SORCS3: variants seen among roughly 807,000 people sequenced by gnomAD.
SORCS3 encodes sortilin related VPS10 domain containing receptor 3, also known as VPS10 domain-containing receptor SorCS3.
In SORCS3, 57 loss-of-function variants were observed where a neutral mutation model predicts 146.3. The ratio of observed to expected loss-of-function variants is 0.39; its 90% confidence interval spans 0.31 to 0.49. The LOEUF is 0.49. Ranked by LOEUF, SORCS3 falls within the 20% of genes least tolerant of loss-of-function variation. The probability of loss-of-function intolerance (pLI) is 0.92; values close to 1 mark genes in which losing one functional copy is unlikely to be tolerated. For synonymous variants in SORCS3, 653 were observed against 618.5 expected (o/e 1.06, Z -0.83); for missense variants, 1,341 against 1,575.5 (o/e 0.85, Z 2.52).
intron 7 of SORCS3, among the ~76,000 whole-genome samples, chr10:105,116,029 A>G (rs1401074965): frequency 6.6e-6 from 1 of 152,222 alleles, no homozygotes; most frequent in Non-Finnish European, 1.5e-5. Context: ...AAGTGTTTTC[A>G]ACAGCCAGCC....
At chr10:105,201,952 C>T (rs1338583125) in intron 16 of SORCS3, among the ~76,000 whole-genome samples, 1 of 152,168 alleles carries the variant, frequency 6.6e-6, no homozygotes, top group Non-Finnish European at 1.5e-5. Flanking sequence ...CAGCTATCCA[C>T]TCAGTTGCCA....
At chr10:104,828,055 T>G (rs2017958089) in intron 1 of SORCS3, among the ~76,000 whole-genome samples, 1 of 152,214 alleles carries the variant, frequency 6.6e-6, no homozygotes, top group African/African-American at 2.4e-5. Flanking sequence ...ACTAAACCTT[T>G]TTCCCTATCA....
intron 2 of SORCS3, among the ~76,000 whole-genome samples, chr10:104,867,420 C>T (rs550580767): frequency 1.3e-5 from 2 of 152,114 alleles, no homozygotes; most frequent in Admixed American, 1.3e-4. Flanking sequence ...CGCCATTCTC[C>T]TGCCTCAGCC....
chr10:105,059,813 G>A (rs1374084178), intron 5 of SORCS3, among the ~76,000 whole-genome samples: 1 of 152,186 alleles, frequency 6.6e-6, no homozygotes, highest in Non-Finnish European at 1.5e-5. Flanking sequence ...AACCCACAGA[G>A]CAACCTGAGC....
intron 4 of SORCS3, among the ~76,000 whole-genome samples, chr10:105,016,364 TG>T (rs1262083237): frequency 2.0e-5 from 3 of 151,230 alleles, no homozygotes; most frequent in Non-Finnish European, 4.4e-5. Flanking sequence ...TTGGCCAGGA[TG>T]GTCTCAATCT....
chr10:104,846,236 G>T (rs965556997), intron 2 of SORCS3, among the ~76,000 whole-genome samples: 1 of 152,062 alleles, frequency 6.6e-6, no homozygotes, highest in Non-Finnish European at 1.5e-5. Context: ...GGACCTCATC[G>T]GGAGTCTTCT....
intron 2 of SORCS3, among the ~76,000 whole-genome samples, chr10:104,909,991 C>T (rs2018950380): frequency 6.6e-6 from 1 of 152,100 alleles, no homozygotes; most frequent in South Asian, 2.1e-4. Context: ...GGGGGTTCCT[C>T]CCACAATGTA....
At chr10:104,892,951 C>A (rs4917431) in intron 2 of SORCS3, among the ~76,000 whole-genome samples, 13,299 of 152,148 alleles carry the variant, frequency 0.087, 775 homozygotes, top group South Asian at 0.27. Context: ...CTCATACATG[C>A]CATTCTCACT....
At chr10:105,004,001 T>TC (rs1452386389) in intron 4 of SORCS3, among the ~76,000 whole-genome samples, 44 of 132,356 alleles carry the variant, frequency 3.3e-4, no homozygotes, top group Admixed American at 1.8e-3. Context: ...CTTCTCTCTC[T>TC]TTTTTTTTTT....
intron 1 of SORCS3, among the ~76,000 whole-genome samples, chr10:104,763,792 A>AT (rs1449491535): frequency 6.6e-6 from 1 of 152,180 alleles, no homozygotes; most frequent in African/African-American, 2.4e-5. Flanking sequence ...TAATTGAGTC[A>AT]TGGGGGTGGT....
At chr10:105,173,325 A>G (rs911249172) in intron 13 of SORCS3, among the ~76,000 whole-genome samples, 1 of 152,062 alleles carries the variant, frequency 6.6e-6, no homozygotes, top group African/African-American at 2.4e-5. Flanking sequence ...ACACAAAAAA[A>G]CAACAACAAA....
chr10:104,990,924 C>T (rs1322946367), intron 4 of SORCS3, among the ~76,000 whole-genome samples: 1 of 152,190 alleles, frequency 6.6e-6, no homozygotes, highest in Non-Finnish European at 1.5e-5. Context: ...TAGAATAAAT[C>T]TGTGTTGTCT....
At chr10:105,111,414 C>A (rs901365606) in intron 7 of SORCS3, among the ~76,000 whole-genome samples, 5 of 152,158 alleles carry the variant, frequency 3.3e-5, no homozygotes, top group African/African-American at 1.2e-4. Flanking sequence ...TACTGGTACT[C>A]AATAAATGTT....
intron 22 of SORCS3, among the ~76,000 whole-genome samples, chr10:105,247,835 T>C (rs1222796224): frequency 6.6e-6 from 1 of 152,128 alleles, no homozygotes; most frequent in Non-Finnish European, 1.5e-5. Flanking sequence ...TAGTTCAATG[T>C]TTGAAGAAGG....
At chr10:105,249,447 C>A (rs746458984) in intron 22 of SORCS3, among the ~76,000 whole-genome samples, 15 of 152,048 alleles carry the variant, frequency 9.9e-5, no homozygotes, top group Non-Finnish European at 2.2e-4. Flanking sequence ...GAGAAAGATC[C>A]AGGAAGGACA....
chr10:105,045,778 A>C (rs1267335200), intron 5 of SORCS3, among the ~76,000 whole-genome samples: 1 of 152,168 alleles, frequency 6.6e-6, no homozygotes, highest in Non-Finnish European at 1.5e-5. Context: ...TATTGAAAGG[A>C]GCAGATGTAT....
chr10:104,657,406 G>C (rs1370800772), intron 1 of SORCS3, among the ~76,000 whole-genome samples: 1 of 152,232 alleles, frequency 6.6e-6, no homozygotes, highest in Admixed American at 6.5e-5. Flanking sequence ...TGAGAGATTG[G>C]ATGTAGCAAA....
intron 4 of SORCS3, among the ~76,000 whole-genome samples, chr10:105,028,201 AG>A (rs750661190): frequency 6.6e-6 from 1 of 152,224 alleles, no homozygotes; most frequent in Non-Finnish European, 1.5e-5. Context: ...CCATGGAGTC[AG>A]GGGTCAGTAC....
chr10:104,948,313 G>T (rs1218347457), intron 3 of SORCS3, among the ~76,000 whole-genome samples: 1 of 152,172 alleles, frequency 6.6e-6, no homozygotes, highest in Non-Finnish European at 1.5e-5. Flanking sequence ...ATGGAAATAA[G>T]GGCTTTGCCA....
Sources: allele counts gnomAD v4.1 joint callset (sites outside exome capture counted in the v4.1 genomes callset), GRCh38; gene constraint gnomAD v4.1.1; transcripts MANE v1.5; gene names NCBI Gene and HGNC (gene_info 2026-07-23, HGNC 2026-07-21).